Variants in C1QTNF3 observed in about 807,000 individuals in gnomAD.
C1QTNF3 encodes complement C1q tumor necrosis factor-related protein 3.
In C1QTNF3, 26 loss-of-function variants were observed where a neutral mutation model predicts 32.6. That is an observed-to-expected ratio of 0.80 (90% confidence interval 0.58 to 1.11). The LOEUF (loss-of-function observed/expected upper bound fraction) is 1.11, where lower values mean the gene tolerates loss of function less well. Ranked by LOEUF, C1QTNF3 falls within the 50% of genes least tolerant of loss-of-function variation. The probability of loss-of-function intolerance (pLI) is 0.00; values close to 1 mark genes in which losing one functional copy is unlikely to be tolerated. For synonymous variants in C1QTNF3, 155 were observed against 146.0 expected, an observed-to-expected ratio of 1.06 and a Z score of -0.44; for missense variants, 362 against 398.2, an observed-to-expected ratio of 0.91 and a Z score of 0.77.
the C1QTNF3 span, among the ~76,000 whole-genome samples, chr5:34,160,909 A>G: frequency 2.6e-5 from 4 of 151,950 alleles, no homozygotes; most frequent in Non-Finnish European, 4.4e-5. Context: ...TTATATTGGG[A>G]AAAAAAAGAA....
At chr5:34,127,372 G>T in the C1QTNF3 span, among the ~76,000 whole-genome samples, 1 of 151,948 alleles carries the variant, frequency 6.6e-6, no homozygotes, top group East Asian at 1.9e-4. Context: ...TAAAGTCCCG[G>T]CTGAGGTAGT....
chr5:34,219,202 T>C, the C1QTNF3 span, among the ~76,000 whole-genome samples: 6 of 152,190 alleles, frequency 3.9e-5, no homozygotes, highest in East Asian at 1.9e-4. Flanking sequence ...GCTCTGGCTG[T>C]TGTTACAACC....
chr5:34,119,812 T>G, the C1QTNF3 span, among the ~76,000 whole-genome samples: 46 of 152,304 alleles, frequency 3.0e-4, no homozygotes, highest in African/African-American at 1.0e-3. Flanking sequence ...TTCCATATTT[T>G]AGGGATCCTT....
the C1QTNF3 span, among the ~76,000 whole-genome samples, chr5:34,217,751 C>T: frequency 1.3e-5 from 2 of 151,920 alleles, no homozygotes; most frequent in African/African-American, 4.8e-5. Flanking sequence ...ATATACAATA[C>T]AGAAATTAAA....
At chr5:34,079,717 A>G in the C1QTNF3 span, among the ~76,000 whole-genome samples, 2 of 151,756 alleles carry the variant, frequency 1.3e-5, no homozygotes, top group African/African-American at 4.9e-5. Context: ...CAATTATATG[A>G]TAAGTCTGAG....
At chr5:34,209,904 T>C in the C1QTNF3 span, among the ~76,000 whole-genome samples, 8 of 152,118 alleles carry the variant, frequency 5.3e-5, no homozygotes, top group Non-Finnish European at 8.8e-5. Flanking sequence ...CTGGTCTCAA[T>C]AGTAAATCTG....
chr5:34,116,400 TA>T, the C1QTNF3 span, among the ~76,000 whole-genome samples: 1 of 152,216 alleles, frequency 6.6e-6, no homozygotes, highest in Admixed American at 6.5e-5. Context: ...CTCCTTGTTC[TA>T]TTCTCATTGA....
At chr5:34,195,098 G>A in the C1QTNF3 span, among the ~76,000 whole-genome samples, 1 of 151,094 alleles carries the variant, frequency 6.6e-6, no homozygotes. Context: ...AAAATAGCCA[G>A]AAGAGTAGAT....
chr5:34,229,020 C>T, the C1QTNF3 span, among the ~76,000 whole-genome samples: 1 of 151,700 alleles, frequency 6.6e-6, no homozygotes, highest in African/African-American at 2.4e-5. Context: ...AATAATTGGA[C>T]TATTTATTGT....
chr5:34,177,048 C>T, the C1QTNF3 span, among the ~76,000 whole-genome samples: 1 of 151,998 alleles, frequency 6.6e-6, no homozygotes, highest in Admixed American at 6.6e-5. Context: ...TAAATATTCG[C>T]TAGGTGTAGT....
At chr5:34,132,441 A>G in the C1QTNF3 span, among the ~76,000 whole-genome samples, 4 of 28,614 alleles carry the variant, frequency 1.4e-4, no homozygotes, top group African/African-American at 3.0e-4. Flanking sequence ...GTATGTATAT[A>G]TATATATATA....
chr5:34,222,529 T>C, the C1QTNF3 span, among the ~76,000 whole-genome samples: 2 of 151,952 alleles, frequency 1.3e-5, no homozygotes, highest in Middle Eastern at 3.2e-3. Context: ...ATTTTATGTC[T>C]ATGGTTACCC....
At chr5:34,056,521 GAGAGAGAA>G in the C1QTNF3 span, among the ~76,000 whole-genome samples, 88 of 132,354 alleles carry the variant, frequency 6.6e-4, no homozygotes, top group African/African-American at 1.8e-3. Context: ...GAGAGAGAGA[GAGAGAGAA>G]AGAGATAGGG....
chr5:34,075,548 A>G, the C1QTNF3 span, among the ~76,000 whole-genome samples: 17 of 151,672 alleles, frequency 1.1e-4, no homozygotes, highest in Admixed American at 4.6e-4. Context: ...GAGGAGGAAG[A>G]ATTACATTAA....
At chr5:34,040,815 CT>C (rs11334548) in intron 1 of C1QTNF3, among the ~76,000 whole-genome samples, 78,156 of 146,500 alleles carry the variant, frequency 0.53, 20,941 homozygotes, top group African/African-American at 0.56. Context: ...TGTTGCAGCA[CT>C]TTTTTTTTTT....
rs1464635540 is a variant in C1QTNF3 at position 34,023,918 on chromosome 5, C to A, written c.791G>T (p.Ser264Ile). The change falls in exon 5 of 6, where the codon AGC becomes ATC. Residue 264 changes from serine to isoleucine, a missense_variant. Ser to Ile is a moderately radical substitution (Grantham distance 142). Transcript: ENST00000382065. ...AGAAAAGACCACCCACCTGTACATG[C>A]TGAAGACTGTGTTGCCATTGTGCAT... Reference protein sequence around the residue: ...YLMHNGNTVFSMYSYEMKGKS... With the variant: ...YLMHNGNTVFIMYSYEMKGKS... 1 of 1,613,778 alleles carries A rather than the reference C, an allele frequency of 6.2e-7. No individual in the cohort carries two copies. Among genetic ancestry groups the A allele is most frequent in the African/African-American group, 1.3e-5 (1 of 74,926 alleles).
At chr5:34,131,915 A>G in the C1QTNF3 span, among the ~76,000 whole-genome samples, 1 of 152,342 alleles carries the variant, frequency 6.6e-6, no homozygotes, top group East Asian at 1.9e-4. Context: ...TCAATTTAAA[A>G]AATATAATAA....
chr5:34,119,105 AAAT>A, the C1QTNF3 span, among the ~76,000 whole-genome samples: 6 of 152,220 alleles, frequency 3.9e-5, no homozygotes, highest in Admixed American at 6.5e-5. Context: ...TTAAAAATTG[AAAT>A]AATGTCAGCT....
At chr5:34,117,466 G>C in the C1QTNF3 span, among the ~76,000 whole-genome samples, 1 of 151,844 alleles carries the variant, frequency 6.6e-6, no homozygotes. Context: ...AACATTATTA[G>C]TTACCATTTC....
Sources: allele counts gnomAD v4.1 joint callset (sites outside exome capture counted in the v4.1 genomes callset), GRCh38; gene constraint gnomAD v4.1.1; transcripts MANE v1.5; gene names NCBI Gene and HGNC (gene_info 2026-07-23, HGNC 2026-07-21).